ZNF585B: variants seen among roughly 807,000 people sequenced by gnomAD.
ZNF585B encodes the protein zinc finger protein 585B.
ZNF585B carries 7 observed loss-of-function variants against 14.0 expected under a neutral mutation model. The observed-to-expected ratio is 0.50, with a 90% confidence interval of 0.28 to 0.94. ZNF585B has a LOEUF of 0.94. Ranked by LOEUF, ZNF585B falls within the 40% of genes least tolerant of loss-of-function variation. The pLI, the probability that ZNF585B is intolerant of heterozygous loss-of-function variation, is 0.09. For synonymous variants in ZNF585B, 290 were observed against 317.3 expected (o/e 0.91, Z 0.91); for missense variants, 750 against 924.4 (o/e 0.81, Z 2.45).
chr19:37,208,948 C>A (rs1237955792), intron 1 of ZNF585B, among the ~76,000 whole-genome samples: 1 of 151,756 alleles, frequency 6.6e-6, no homozygotes, highest in Non-Finnish European at 1.5e-5. Flanking sequence ...GCGGAGATCA[C>A]GGCATTGCAC....
In ZNF585B at chr19:37,186,057, A is replaced by C. The variant is rs542506417; in HGVS notation, c.1480T>G (p.Tyr494Asp). ...HQKTHTGEKS[Y>D]ICSKCGKAFT... Reference sequence around the variant, plus strand: ...GCCTTTCCACATTTGGAACATATATAAGATTTCTCTCCTGTATGAGTTTTC... The same window carrying C: ...GCCTTTCCACATTTGGAACATATATCAGATTTCTCTCCTGTATGAGTTTTC... Residue 494 changes from tyrosine to aspartate, a missense_variant, in exon 5 of 5, where the codon TAT becomes GAT. This residue lies in a region of ZNF585B where 233 missense variants were observed against 354.1 expected (regional missense o/e 0.66). Coordinates refer to ENST00000532828, the MANE Select transcript of ZNF585B (RefSeq NM_152279.4). 5 of 1,614,022 alleles carry C rather than the reference A, an allele frequency of 3.1e-6. No individual in the cohort carries two copies. The Admixed American group carries it at 6.7e-5, about 22-fold the overall frequency.
At chr19:37,197,661 AC>A (rs1972481896) in intron 2 of ZNF585B, among the ~76,000 whole-genome samples, 1 of 152,100 alleles carries the variant, frequency 6.6e-6, no homozygotes, top group African/African-American at 2.4e-5. Flanking sequence ...TGACTTTTTA[AC>A]GATTGCCATT....
At chr19:37,190,205 A>G in intron 2 of ZNF585B, 55 bp from the exon 3 acceptor site, 1 of 1,607,108 alleles carries the variant, frequency 6.2e-7, no homozygotes, top group Non-Finnish European at 8.5e-7. Context: ...CGGTGGAGTG[A>G]CTATATATGG....
chr19:37,183,046 A>T lies in ZNF585B; in HGVS notation c.*2181T>A, dbSNP rs1972279958. ...GCGGCTCTGTCGAGTTGCAACTGAG[A>T]CAGGACAGCGCTGTGCATGCTGAGG... On this transcript the variant is annotated 3_prime_UTR_variant, in exon 5 of 5. Coordinates refer to ENST00000532828, the MANE Select transcript of ZNF585B (RefSeq NM_152279.4). 1 of 152,206 alleles carries T rather than the reference A, an allele frequency of 6.6e-6. No individual in the cohort carries two copies. Among genetic ancestry groups the T allele is most frequent in the African/African-American group, 2.4e-5 (1 of 41,426 alleles). 9.4% of individuals were successfully genotyped at this position (152,206 alleles called of 1,614,324 possible).
intron 2 of ZNF585B, among the ~76,000 whole-genome samples, chr19:37,197,862 C>T (rs778426567): frequency 4.6e-5 from 7 of 152,146 alleles, no homozygotes; most frequent in Non-Finnish European, 7.4e-5. Flanking sequence ...TAAAGTAAGG[C>T]TATAATGTTA....
intron 2 of ZNF585B, among the ~76,000 whole-genome samples, chr19:37,192,284 G>A (rs907034919): frequency 1.3e-5 from 2 of 152,124 alleles, no homozygotes; most frequent in African/African-American, 4.8e-5. Context: ...GAGACACCCT[G>A]AGGGCTAAAA....
intron 2 of ZNF585B, among the ~76,000 whole-genome samples, chr19:37,203,703 A>T (rs917269567): frequency 6.6e-6 from 1 of 152,084 alleles, no homozygotes; most frequent in Admixed American, 6.6e-5. Context: ...ATCTCGGCTC[A>T]CCGAAACCTC....
chr19:37,190,727 G>T (rs767425144), intron 2 of ZNF585B, among the ~76,000 whole-genome samples: 1 of 148,782 alleles, frequency 6.7e-6, no homozygotes, highest in Admixed American at 6.7e-5. Context: ...CACCATACCC[G>T]GCTAAATTTT....
rs1026950636 is a variant in ZNF585B at position 37,184,534 on chromosome 19, T to G, written c.*693A>C. 6.5e-6 allele frequency: 1 copy of G among 153,822 alleles called. No homozygotes were observed. Among genetic ancestry groups the G allele is most frequent in the African/African-American group, 2.4e-5 (1 of 40,868 alleles). The allele number at this position is 153,822 out of a possible 1,614,324, so 9.5% of individuals were successfully genotyped here. On this transcript the variant is annotated 3_prime_UTR_variant, in exon 5 of 5. Coordinates refer to ENST00000532828, the MANE Select transcript of ZNF585B (RefSeq NM_152279.4). Reference sequence around the variant, plus strand: ...AGAAAGAAAGAAAAAGAAAAAACACTGTGCTGGGTGTCAAACACAATGTGC... The same window carrying G: ...AGAAAGAAAGAAAAAGAAAAAACACGGTGCTGGGTGTCAAACACAATGTGC...
intron 2 of ZNF585B, among the ~76,000 whole-genome samples, chr19:37,191,819 G>C (rs895203887): frequency 1.3e-5 from 2 of 152,030 alleles, no homozygotes; most frequent in African/African-American, 4.8e-5. Context: ...GGATCACGAG[G>C]TCAGACGTTC....
intron 2 of ZNF585B, among the ~76,000 whole-genome samples, chr19:37,200,436 GCTC>G (rs749254348): frequency 6.6e-6 from 1 of 151,046 alleles, no homozygotes; most frequent in Non-Finnish European, 1.5e-5. Context: ...TGTAATCCCA[GCTC>G]CTCAAGAGGC....
At chr19:37,209,372 G>A (rs923530063) in intron 1 of ZNF585B, among the ~76,000 whole-genome samples, 2 of 152,102 alleles carry the variant, frequency 1.3e-5, no homozygotes, top group African/African-American at 4.8e-5. Flanking sequence ...CAAAGTGCTG[G>A]GATTACAGGC....
At chr19:37,191,816 G>C (rs988939959) in intron 2 of ZNF585B, among the ~76,000 whole-genome samples, 2 of 151,960 alleles carry the variant, frequency 1.3e-5, no homozygotes, top group Non-Finnish European at 2.9e-5. Context: ...GGTGGATCAC[G>C]AGGTCAGACG....
At chr19:37,192,113 A>G in intron 2 of ZNF585B, among the ~76,000 whole-genome samples, 1 of 152,170 alleles carries the variant, frequency 6.6e-6, no homozygotes, top group East Asian at 1.9e-4. Context: ...TGGCTGATCA[A>G]TTTAGGACCA....
At chr19:37,201,073 G>C (rs538584100) in intron 2 of ZNF585B, among the ~76,000 whole-genome samples, 1 of 139,434 alleles carries the variant, frequency 7.2e-6, no homozygotes, top group African/African-American at 2.8e-5. Flanking sequence ...CCTGGCAACA[G>C]AGCAAGACTC....
In ZNF585B at chr19:37,186,835, T is replaced by C. The variant is rs1487894135; in HGVS notation, c.702A>G (p.Lys234=). 1 of 1,613,942 alleles carries C rather than the reference T, an allele frequency of 6.2e-7. No individual in the cohort carries two copies. Among genetic ancestry groups the C allele is most frequent in the African/African-American group, 1.3e-5 (1 of 74,932 alleles). Residue 234 remains lysine, a synonymous_variant, in exon 5 of 5, where the codon AAA becomes AAG. Transcript: ENST00000532828. The part of the protein sequence containing the change: ...PYNSDLSIHE[K]IHTGERHHEC... ...CATGGTGTCTCTCTCCAGTATGAAT[T>C]TTCTCATGTATACTGAGATCTGAGT... is the stretch of plus-strand genomic sequence containing the variant.
rs750205145 is a variant in ZNF585B at position 37,185,607 on chromosome 19, T to C, written c.1930A>G (p.Ser644Gly). 1.9e-6 allele frequency: 3 copies of C among 1,614,058 alleles called. No homozygotes were observed. In the Admixed American group the frequency reaches 5.0e-5, roughly 27 times the overall value. ...TGCTTACTGAGATTTGACCTGCCAC[T>C]AAAGGCTTTCCCACACTCGGCACAC... ...YVCAECGKAFSGRSNLSKHQK... is the reference protein window; with the variant it reads ...YVCAECGKAFGGRSNLSKHQK... Residue 644 changes from serine to glycine, a missense_variant, in exon 5 of 5, where the codon AGT becomes GGT. Ser to Gly is a moderately conservative substitution (Grantham distance 56, BLOSUM62 0). Coordinates refer to ENST00000532828, the MANE Select transcript of ZNF585B (RefSeq NM_152279.4).
chr19:37,199,631 A>C (rs1055581789), intron 2 of ZNF585B: 4 of 210,472 alleles, frequency 1.9e-5, no homozygotes, highest in African/African-American at 1.6e-4. Flanking sequence ...AGGATAAAAC[A>C]AAAATAGAGA....
chr19:37,186,499 C>T lies in ZNF585B; in HGVS notation c.1038G>A (p.Lys346=), dbSNP rs377306993. ...SNNSNLITHE[K]IQSREKSSIC... is the part of the protein sequence containing the mutation. Reference sequence around the variant, plus strand: ...TGGAAGATTTCTCTCTACTTTGAATCTTCTCATGTGTAATGAGGTTGGAAT... The same window carrying T: ...TGGAAGATTTCTCTCTACTTTGAATTTTCTCATGTGTAATGAGGTTGGAAT... Residue 346 remains lysine, a synonymous_variant, in exon 5 of 5, where the codon AAG becomes AAA. Transcript: ENST00000532828. The T allele has an allele frequency of 1.3e-5, 21 of 1,614,174 alleles. No homozygotes were observed. In the East Asian group the frequency reaches 4.0e-4, roughly 31 times the overall value.
Sources: gnomAD v4.1 joint callset for allele counts (sites outside exome capture counted in the v4.1 genomes callset) on GRCh38, gnomAD v4.1.1 for gene constraint, gnomAD v4.1.1 regional missense constraint, MANE v1.5 for transcripts, NCBI Gene and HGNC (gene_info 2026-07-23, HGNC 2026-07-21) for gene names.